The following CFAP61 variants were observed in gnomAD, a reference collection of about 807,000 sequenced individuals.
The protein encoded by CFAP61 is cilia- and flagella-associated protein 61.
A neutral mutation model predicts 135.6 loss-of-function variants in CFAP61; 107 were observed. The ratio of observed to expected loss-of-function variants is 0.79; its 90% CI spans 0.67 to 0.93. The LOEUF (loss-of-function observed/expected upper bound fraction) is 0.93, where lower values mean the gene tolerates loss of function less well. CFAP61 is among the 40% of genes least tolerant of loss of function. The pLI, the probability that CFAP61 is intolerant of heterozygous loss-of-function variation, is 0.00. For missense variants in CFAP61, 1,507 were observed against 1,556.2 expected, an observed-to-expected ratio of 0.97 and a Z score of 0.53; for synonymous variants, 575 against 578.5, an observed-to-expected ratio of 0.99 and a Z score of 0.09.
chr20:20,228,126 A>G, intron 17 of CFAP61, 123 bp from the exon 18 acceptor site: 1 of 690,990 alleles, frequency 1.4e-6, no homozygotes, highest in Admixed American at 2.8e-5. Flanking sequence ...GTACATGGGC[A>G]CTATTAGGTT....
At chr20:20,294,722 A>T (rs1426838511) in intron 24 of CFAP61, among the ~76,000 whole-genome samples, 1 of 151,790 alleles carries the variant, frequency 6.6e-6, no homozygotes, top group Non-Finnish European at 1.5e-5. Context: ...AGGTCAGGAG[A>T]TCGAGACCAT....
At chr20:20,329,008 C>T (rs141299122) in intron 25 of CFAP61, among the ~76,000 whole-genome samples, 3 of 152,298 alleles carry the variant, frequency 2.0e-5, no homozygotes, top group African/African-American at 7.2e-5. Flanking sequence ...CTGAATAAAC[C>T]TGACTTTGTT....
At chr20:20,336,616 A>G (rs1004107057) in intron 25 of CFAP61, among the ~76,000 whole-genome samples, 1 of 144,584 alleles carries the variant, frequency 6.9e-6, no homozygotes, top group African/African-American at 2.5e-5. Flanking sequence ...CAAAGCAACA[A>G]CCTGTCTCTA....
chr20:20,317,407 G>T (rs978246505), intron 25 of CFAP61, among the ~76,000 whole-genome samples: 1 of 152,172 alleles, frequency 6.6e-6, no homozygotes, highest in African/African-American at 2.4e-5. Flanking sequence ...GGCACTGTGC[G>T]TGCTGCTCAG....
chr20:20,091,614 C>T (rs1291237815), intron 7 of CFAP61, among the ~76,000 whole-genome samples: 1 of 152,070 alleles, frequency 6.6e-6, no homozygotes, highest in Non-Finnish European at 1.5e-5. Flanking sequence ...AAAACAAGGA[C>T]ACTCTCTTAG....
At chr20:20,157,482 C>T (rs2053020239) in intron 9 of CFAP61, among the ~76,000 whole-genome samples, 1 of 152,158 alleles carries the variant, frequency 6.6e-6, no homozygotes, top group South Asian at 2.1e-4. Context: ...AACATATAGA[C>T]AACTGATTTT....
rs572871985 is a variant in CFAP61, at chr20:20,088,823, C to T, written c.567-2021C>T. Reference sequence around the variant, plus strand: ...ATAGACCAGAGACCTGGCTTTTCAACTGTGTAGTTCTTCCATCAAGATACT... The same window carrying T: ...ATAGACCAGAGACCTGGCTTTTCAATTGTGTAGTTCTTCCATCAAGATACT... On this transcript the variant is annotated intron_variant, in intron 6 of 26. Transcript: ENST00000245957. 4.6e-5 allele frequency among the ~76,000 whole-genome samples: 7 copies of T among 152,296 alleles called. No individual in the cohort carries two copies. In the East Asian group the frequency reaches 1.4e-3, roughly 29 times the overall value.
At position 20,359,453 on chromosome 20, in the gene CFAP61, T is replaced by C. The variant is rs2059393894; in HGVS notation, c.3514-757T>C. On this transcript the variant is annotated intron_variant, in intron 26 of 26. Transcript: ENST00000245957. This position sits in a 1 kb window ranked among gnomAD's most constrained non-coding sequence, Gnocchi z 4.0. The stretch of plus-strand genomic sequence containing the variant: ...GCCGAGGTGGGCAGATCACCTGAGG[T>C]CGGGAGTTCAAGACCAGCCTGACCA... Among the ~76,000 whole-genome samples, 1 of 151,862 alleles carries C rather than the reference T, an allele frequency of 6.6e-6. No individual in the cohort carries two copies. The highest frequency in any genetic ancestry group is 1.5e-5 in the Non-Finnish European group (1 of 67,970).
At chr20:20,196,920 G>A (rs2056332947) in intron 16 of CFAP61, 144 bp downstream of exon 16, 2 of 721,668 alleles carry the variant, frequency 2.8e-6, no homozygotes, top group East Asian at 5.4e-5. Flanking sequence ...ATTTAGTTTG[G>A]CCTTTTTCAT....
chr20:20,159,859 T>G (rs6132272), intron 10 of CFAP61, among the ~76,000 whole-genome samples: 137,324 of 152,288 alleles, frequency 0.9, 62,735 homozygotes, highest in Middle Eastern at 0.99. Flanking sequence ...TCATTTACAT[T>G]CATCTCAGGA....
chr20:20,056,834 T>G, intron 2 of CFAP61, 38 bp downstream of exon 2: 1 of 1,607,832 alleles, frequency 6.2e-7, no homozygotes, highest in Non-Finnish European at 8.5e-7. Context: ...TTCATCAATT[T>G]TGGTTGGGTG....
intron 8 of CFAP61, among the ~76,000 whole-genome samples, chr20:20,140,302 C>T (rs2051276231): frequency 6.6e-6 from 1 of 151,202 alleles, no homozygotes; most frequent in African/African-American, 2.4e-5. Context: ...ATTAACTCGT[C>T]ATTTAGCATT....
At chr20:20,332,638 A>G (rs1239827938) in intron 25 of CFAP61, among the ~76,000 whole-genome samples, 1 of 152,196 alleles carries the variant, frequency 6.6e-6, no homozygotes, top group Non-Finnish European at 1.5e-5. Flanking sequence ...TTTAAATTAA[A>G]AAAGGTCTCA....
At chr20:20,056,193 T>C (rs2044320688) in intron 1 of CFAP61, 2 of 579,498 alleles carry the variant, frequency 3.5e-6, no homozygotes, top group Non-Finnish European at 6.0e-6. Flanking sequence ...GTCTCAAGAC[T>C]GCTGACCTTC....
chr20:20,099,888 G>A (rs1190255407), intron 8 of CFAP61, among the ~76,000 whole-genome samples: 1 of 152,124 alleles, frequency 6.6e-6, no homozygotes, highest in Non-Finnish European at 1.5e-5. Context: ...TAAACCCCGT[G>A]CACAGTGTCT....
At chr20:20,311,768 G>A (rs987236764) in intron 25 of CFAP61, among the ~76,000 whole-genome samples, 1 of 152,162 alleles carries the variant, frequency 6.6e-6, no homozygotes. Flanking sequence ...GTCCATGTGG[G>A]CAAGGAAACT....
chr20:20,111,343 AT>A, intron 8 of CFAP61, among the ~76,000 whole-genome samples: 1 of 152,216 alleles, frequency 6.6e-6, no homozygotes, highest in African/African-American at 2.4e-5. Context: ...TTCACCTATA[AT>A]GCCTATAGAT....
chr20:20,232,418 C>A (rs779850061), intron 18 of CFAP61, among the ~76,000 whole-genome samples: 1 of 151,872 alleles, frequency 6.6e-6, no homozygotes, highest in Non-Finnish European at 1.5e-5. Flanking sequence ...GAGAAGGAGC[C>A]GGAACCAGGT....
At chr20:20,160,867 G>A (rs1270564642) in intron 10 of CFAP61, among the ~76,000 whole-genome samples, 1 of 152,166 alleles carries the variant, frequency 6.6e-6, no homozygotes, top group East Asian at 1.9e-4. Flanking sequence ...TGAAGGGATT[G>A]GAGAATCAAT....
Sources: allele counts gnomAD v4.1 joint callset (sites outside exome capture counted in the v4.1 genomes callset), GRCh38; gene constraint gnomAD v4.1.1; non-coding constraint Gnocchi (gnomAD v3.1); transcripts MANE v1.5; gene names NCBI Gene and HGNC (gene_info 2026-07-23, HGNC 2026-07-21).